The following PDCL3 variants were observed in gnomAD, a reference collection of about 807,000 sequenced individuals.
PDCL3 encodes the protein phosducin like 3.
A neutral mutation model predicts 26.5 loss-of-function variants in PDCL3; 22 were observed. The ratio of observed to expected loss-of-function variants is 0.83; its 90% CI spans 0.59 to 1.19. The LOEUF is 1.19. Among genes scored for constraint, PDCL3 ranks in the 50% most tolerant of loss-of-function variants. The probability of loss-of-function intolerance (pLI) is 0.00; values close to 1 mark genes in which losing one functional copy is unlikely to be tolerated. For synonymous variants in PDCL3, 81 were observed against 104.9 expected (o/e 0.77, Z 1.39); for missense variants, 246 against 294.1 (o/e 0.84, Z 1.20).
Position 100,566,599 on chromosome 2 carries a change from G to C in PDCL3, c.103G>C (p.Glu35Gln). Residue 35 changes from glutamate (E) to glutamine (Q), a missense_variant, in exon 2 of 6, where the codon GAG becomes CAG. Glu to Gln is a conservative substitution (Grantham distance 29). Coordinates refer to ENST00000264254, the MANE Select transcript of PDCL3 (RefSeq NM_024065.5). The stretch of plus-strand genomic sequence containing the variant: ...GAAAGAATTGGAAGAGGAGGCAGAA[G>C]AGGAGCAGCGCATCCTCCAGCAGTC... Reference protein sequence around the residue: ...SLKELEEEAEEEQRILQQSVV... With the variant: ...SLKELEEEAEQEQRILQQSVV... The C allele has an allele frequency of 6.2e-7, 1 of 1,614,026 alleles. No homozygotes were observed. The highest frequency in any genetic ancestry group is 8.5e-7 in the Non-Finnish European group (1 of 1,179,920).
chr2:100,572,007 G>C (rs911954033), intron 5 of PDCL3: 8 of 573,360 alleles, frequency 1.4e-5, no homozygotes, highest in East Asian at 3.0e-5. Flanking sequence ...GTTCAAGGAA[G>C]GCGTGATAGA....
intron 3 of PDCL3, among the ~76,000 whole-genome samples, chr2:100,569,338 CAG>C (rs1675122874): frequency 6.6e-6 from 1 of 152,150 alleles, no homozygotes; most frequent in Non-Finnish European, 1.5e-5. Flanking sequence ...GCCTGTGTGA[CAG>C]AGCCAAACTC....
At position 100,566,755 on chromosome 2, in the gene PDCL3, C is replaced by T. The variant is rs992231382; in HGVS notation, c.133+126C>T. On this transcript the variant is annotated intron_variant, in intron 2 of 5. Coordinates refer to ENST00000264254, the MANE Select transcript of PDCL3 (RefSeq NM_024065.5). ...CACTCTGTGTCTGTGGGACCTCAGA[C>T]AAAACACAGGGCGTCTCTCACCTTC... is the stretch of plus-strand genomic sequence containing the variant. 4 of 1,388,396 alleles carry T rather than the reference C, an allele frequency of 2.9e-6. No homozygotes were observed. The African/African-American group carries it at 4.3e-5, about 15-fold the overall frequency. 86.0% of individuals were successfully genotyped at this position (1,388,396 alleles called of 1,614,324 possible). A position where few individuals can be genotyped will look rare whatever the true frequency, so the allele number is the denominator to read the frequency against.
In PDCL3 at chr2:100,565,932, C is replaced by T. The variant is rs148228000; in HGVS notation, c.7-571C>T. 8.7e-4 allele frequency among the ~76,000 whole-genome samples: 133 copies of T among 152,218 alleles called. 1 individual carries two copies. The East Asian group carries it at 0.022, about 25-fold the overall frequency. On this transcript the variant is annotated intron_variant, in intron 1 of 5. Coordinates refer to ENST00000264254, the MANE Select transcript of PDCL3 (RefSeq NM_024065.5). ...TATTATTATTATTTTGAGACTGTGT[C>T]TTGCTCTGTCGCCCAGGCTGGAGTG...
chr2:100,575,415 A>C (rs111354317), intron 5 of PDCL3, among the ~76,000 whole-genome samples: 2 of 151,870 alleles, frequency 1.3e-5, no homozygotes, highest in South Asian at 4.1e-4. Context: ...GATTACAGGC[A>C]TGTGCCACCG....
At chr2:100,572,999 C>T (rs550480825) in intron 5 of PDCL3, among the ~76,000 whole-genome samples, 1 of 152,108 alleles carries the variant, frequency 6.6e-6, no homozygotes, top group East Asian at 1.9e-4. Flanking sequence ...ATTCTCCTGC[C>T]TCAGCGTCTC....
intron 3 of PDCL3, 144 bp downstream of exon 3, chr2:100,569,165 C>G: frequency 1.5e-6 from 1 of 687,326 alleles, no homozygotes; most frequent in Non-Finnish European, 2.5e-6. Flanking sequence ...CTGAGGCAGG[C>G]AGATCGCTTG....
At chr2:100,564,453 C>G (rs894478940) in intron 1 of PDCL3, among the ~76,000 whole-genome samples, 1 of 152,136 alleles carries the variant, frequency 6.6e-6, no homozygotes, top group Admixed American at 6.5e-5. Context: ...CCCGTCACCA[C>G]TCCCGGGTAA....
intron 3 of PDCL3, 96 bp downstream of exon 3, chr2:100,569,117 A>T: frequency 9.8e-7 from 1 of 1,025,302 alleles, no homozygotes; most frequent in South Asian, 1.4e-5. Context: ...TGGGCTGAGC[A>T]TGGTGACTCA....
intron 1 of PDCL3, among the ~76,000 whole-genome samples, chr2:100,564,344 T>A (rs1675017435): frequency 6.6e-6 from 1 of 151,960 alleles, no homozygotes; most frequent in South Asian, 2.1e-4. Context: ...TCGCCCAGGC[T>A]GGAGTGCAGT....
At chr2:100,565,708 CA>C (rs1440573744) in intron 1 of PDCL3, among the ~76,000 whole-genome samples, 1 of 152,156 alleles carries the variant, frequency 6.6e-6, no homozygotes, top group East Asian at 1.9e-4. Flanking sequence ...TCTAAAATGG[CA>C]GCCTGTTTGT....
intron 1 of PDCL3, among the ~76,000 whole-genome samples, chr2:100,565,544 G>T (rs1359131930): frequency 6.7e-6 from 1 of 149,210 alleles, no homozygotes; most frequent in African/African-American, 2.5e-5. Context: ...AAAGTGCTGG[G>T]ATTACAGGCG....
rs545063046 is a variant in PDCL3 at position 100,563,210 on chromosome 2, C to G, written c.6+137C>G. The G allele has an allele frequency of 1.7e-4, 187 of 1,124,316 alleles. No homozygotes were observed. In the African/African-American group the frequency reaches 2.7e-3, roughly 16 times the overall value. 69.6% of individuals were successfully genotyped at this position (1,124,316 alleles called of 1,614,324 possible). A position where few individuals can be genotyped will look rare whatever the true frequency, so the allele number is the denominator to read the frequency against. The stretch of plus-strand genomic sequence containing the variant: ...GAGGGAGGCCCGGCGCGTCCAGGCC[C>G]TGCGCAGGCGCAGTGCGGGAGGCGG... On this transcript the variant is annotated intron_variant, in intron 1 of 5. Coordinates refer to ENST00000264254, the MANE Select transcript of PDCL3 (RefSeq NM_024065.5).
Position 100,571,662 on chromosome 2 carries a change from C to G in PDCL3, c.441C>G (p.Ile147Met), listed in dbSNP as rs1274905517. Residue 147 changes from isoleucine (I) to methionine (M), a missense_variant, in exon 5 of 6, where the codon ATC becomes ATG. Physicochemically the swap from Ile to Met is conservative, Grantham distance 10 (BLOSUM62 1). Coordinates refer to ENST00000264254, the MANE Select transcript of PDCL3 (RefSeq NM_024065.5). ...LARKFPDVKFIKAISTTCIPN... is the reference protein window; with the variant it reads ...LARKFPDVKFMKAISTTCIPN... The stretch of plus-strand genomic sequence containing the variant: ...GGAAGTTTCCTGATGTCAAATTTAT[C>G]AAAGCCATTTCAACAACCTGCATAC... 6 of 1,613,440 alleles carry G rather than the reference C, an allele frequency of 3.7e-6. No homozygotes were observed. Among genetic ancestry groups the G allele is most frequent in the Non-Finnish European group, 5.1e-6 (6 of 1,179,868 alleles).
At chr2:100,571,863 G>A (rs1337422011) in intron 5 of PDCL3, 65 bp downstream of exon 5, 1 of 1,512,838 alleles carries the variant, frequency 6.6e-7, no homozygotes, top group East Asian at 2.3e-5. Context: ...TGGAGAGAGT[G>A]TCTATTTCCT....
chr2:100,572,427 G>T (rs189175931), intron 5 of PDCL3, among the ~76,000 whole-genome samples: 337 of 152,216 alleles, frequency 2.2e-3, no homozygotes, highest in Middle Eastern at 6.8e-3. Context: ...GGCCAGGCTG[G>T]TCTCAAACTC....
At chr2:100,564,241 C>T (rs1675015222) in intron 1 of PDCL3, among the ~76,000 whole-genome samples, 1 of 151,766 alleles carries the variant, frequency 6.6e-6, no homozygotes, top group Non-Finnish European at 1.5e-5. Flanking sequence ...CCTTCAGGTC[C>T]CTTGAGGCCT....
rs750616995 is a variant in PDCL3 at position 100,569,684 on chromosome 2, G to A, written c.331G>A (p.Glu111Lys). The A allele has an allele frequency of 3.1e-6, 5 of 1,613,788 alleles. No homozygotes were observed. In the East Asian group the frequency reaches 6.7e-5, roughly 22 times the overall value. Residue 111 changes from glutamate to lysine, a missense_variant, in exon 4 of 6, where the codon GAG (glutamate) becomes AAG (lysine). Coordinates refer to ENST00000264254, the MANE Select transcript of PDCL3 (RefSeq NM_024065.5). ...TGTTCAAGAAGTTACCAAAGCTGGC[G>A]AGGGCTTGTGGGTCATCTTGCACCT... is the stretch of plus-strand genomic sequence containing the variant. ...DYVQEVTKAG[E>K]GLWVILHLYK...
chr2:100,576,258 A>G lies in PDCL3; in HGVS notation c.578-96A>G, dbSNP rs1359155901. On this transcript the variant is annotated intron_variant, in intron 5 of 5. Coordinates refer to ENST00000264254, the MANE Select transcript of PDCL3 (RefSeq NM_024065.5). The stretch of plus-strand genomic sequence containing the variant: ...TGCTGGGCCAAATTTCGATAATTGT[A>G]TTTTCTACTTAGAAAAAACTAGGTT... The G allele has an allele frequency of 7.7e-6, 11 of 1,420,416 alleles. No homozygotes were observed. The East Asian group carries it at 2.2e-4, about 28-fold the overall frequency. 88.0% of individuals were successfully genotyped at this position (1,420,416 alleles called of 1,614,324 possible). A position where few individuals can be genotyped will look rare whatever the true frequency, so the allele number is the denominator to read the frequency against.
Sources: gnomAD v4.1 joint callset for allele counts (sites outside exome capture counted in the v4.1 genomes callset) on GRCh38, gnomAD v4.1.1 for gene constraint, MANE v1.5 for transcripts, NCBI Gene and HGNC (gene_info 2026-07-23, HGNC 2026-07-21) for gene names.